CSMD1: variants seen among roughly 807,000 people sequenced by gnomAD.
The protein encoded by CSMD1 is CUB and sushi domain-containing protein 1.
CSMD1 carries 213 observed loss-of-function variants against 417.5 expected under a neutral mutation model. That is an observed-to-expected ratio of 0.51 (90% CI 0.46 to 0.57). The LOEUF (loss-of-function observed/expected upper bound fraction) is 0.57, where lower values mean the gene tolerates loss of function less well. Ranked by LOEUF, CSMD1 falls within the 20% of genes least tolerant of loss-of-function variation. The pLI is 0.00. For missense variants in CSMD1, 6,923 were observed against 4,529.7 expected, an observed-to-expected ratio of 1.53 and a Z score of -15.17; for synonymous variants, 2,862 against 1,736.8, an observed-to-expected ratio of 1.65 and a Z score of -16.11.
intron 1 of CSMD1, among the ~76,000 whole-genome samples, chr8:4,748,701 C>T (rs1811111641): frequency 6.6e-6 from 1 of 152,262 alleles, no homozygotes; most frequent in African/African-American, 2.4e-5. Context: ...ATAGCCCACA[C>T]CTGAGTTGCA....
At chr8:3,226,308 C>T (rs1026185507) in intron 27 of CSMD1, among the ~76,000 whole-genome samples, 14 of 152,022 alleles carry the variant, frequency 9.2e-5, no homozygotes, top group Admixed American at 5.2e-4. Context: ...TGAAGCCGAA[C>T]GTGGTGGCTC....
At chr8:3,455,532 T>C (rs1220858656) in intron 12 of CSMD1, among the ~76,000 whole-genome samples, 3 of 152,238 alleles carry the variant, frequency 2.0e-5, no homozygotes, top group Non-Finnish European at 4.4e-5. Flanking sequence ...CTTCTAACAG[T>C]CAGGACCCTC....
At chr8:4,624,725 C>G (rs1016268054) in intron 2 of CSMD1, among the ~76,000 whole-genome samples, 7 of 152,110 alleles carry the variant, frequency 4.6e-5, no homozygotes, top group African/African-American at 1.7e-4. Flanking sequence ...GATCTGACAC[C>G]TGCTCTGTTT....
intron 41 of CSMD1, among the ~76,000 whole-genome samples, chr8:3,123,478 T>G (rs112668442): frequency 0.062 from 9,451 of 152,322 alleles, 335 homozygotes; most frequent in Middle Eastern, 0.085. Flanking sequence ...ACACATTTCC[T>G]TCTTTATTAT....
intron 2 of CSMD1, among the ~76,000 whole-genome samples, chr8:4,626,569 C>G (rs1264759694): frequency 6.6e-6 from 1 of 152,024 alleles, no homozygotes; most frequent in Non-Finnish European, 1.5e-5. Context: ...AAGAGCTAGA[C>G]TCAGGGCATG....
intron 46 of CSMD1, among the ~76,000 whole-genome samples, chr8:3,100,081 C>T (rs896051685): frequency 1.3e-5 from 2 of 152,062 alleles, no homozygotes; most frequent in Admixed American, 1.3e-4. Context: ...GGGTCTCACT[C>T]TGTCACCCAA....
At chr8:3,797,789 A>G (rs1443136822) in intron 5 of CSMD1, among the ~76,000 whole-genome samples, 1 of 151,972 alleles carries the variant, frequency 6.6e-6, no homozygotes, top group Non-Finnish European at 1.5e-5. Context: ...GAAAATTCCT[A>G]GGTTATTAGG....
At chr8:3,379,665 T>C (rs1810513635) in intron 18 of CSMD1, among the ~76,000 whole-genome samples, 1 of 152,172 alleles carries the variant, frequency 6.6e-6, no homozygotes, top group African/African-American at 2.4e-5. Context: ...CCGTATTTAA[T>C]AAATGGTGTT....
intron 5 of CSMD1, among the ~76,000 whole-genome samples, chr8:3,836,254 T>C (rs1416112847): frequency 6.6e-6 from 1 of 152,200 alleles, no homozygotes; most frequent in Non-Finnish European, 1.5e-5. Flanking sequence ...TATCTGCTCT[T>C]ATTTCACAAT....
At chr8:3,396,065 T>C (rs1563344245) in intron 17 of CSMD1, 129 bp downstream of exon 17, 3 of 729,484 alleles carry the variant, frequency 4.1e-6, no homozygotes, top group South Asian at 3.7e-5. Flanking sequence ...TTGCATAGTA[T>C]GGTTTTGCTA....
chr8:3,947,282 G>C (rs1463583255), intron 5 of CSMD1, among the ~76,000 whole-genome samples: 4 of 152,044 alleles, frequency 2.6e-5, no homozygotes, highest in Non-Finnish European at 5.9e-5. Context: ...TTATTGACGT[G>C]ATTATGTATG....
At chr8:4,954,026 A>C (rs1017832712) in intron 1 of CSMD1, among the ~76,000 whole-genome samples, 1 of 152,076 alleles carries the variant, frequency 6.6e-6, no homozygotes, top group South Asian at 2.1e-4. Context: ...CTTCCCACCC[A>C]CCTGTTAAAA....
intron 7 of CSMD1, among the ~76,000 whole-genome samples, chr8:3,660,353 G>A (rs925246127): frequency 6.6e-6 from 1 of 152,056 alleles, no homozygotes; most frequent in Non-Finnish European, 1.5e-5. Flanking sequence ...GAAAGTATTA[G>A]CGATCTTCCC....
intron 47 of CSMD1, 131 bp from the exon 48 acceptor site, chr8:3,091,793 A>T: frequency 1.5e-6 from 1 of 681,640 alleles, no homozygotes; most frequent in Non-Finnish European, 2.3e-6. Flanking sequence ...AAAAGTGGAC[A>T]ACAAATTCCA....
chr8:4,817,751 T>A (rs1057512299), intron 1 of CSMD1, among the ~76,000 whole-genome samples: 1 of 152,216 alleles, frequency 6.6e-6, no homozygotes, highest in Admixed American at 6.5e-5. Context: ...AATGCAGCTA[T>A]CACGCTGAGT....
intron 3 of CSMD1, among the ~76,000 whole-genome samples, chr8:4,409,071 G>C (rs1177117463): frequency 6.6e-6 from 1 of 152,114 alleles, no homozygotes; most frequent in East Asian, 1.9e-4. Flanking sequence ...GAATTTATTG[G>C]ATAGCAGACT....
At chr8:4,058,910 A>G (rs901927124) in intron 3 of CSMD1, among the ~76,000 whole-genome samples, 2 of 152,092 alleles carry the variant, frequency 1.3e-5, no homozygotes, top group African/African-American at 2.4e-5. Flanking sequence ...AAGGATACCC[A>G]GGAATTGAAC....
intron 4 of CSMD1, among the ~76,000 whole-genome samples, chr8:4,007,622 G>A (rs904162379): frequency 6.6e-6 from 1 of 151,968 alleles, no homozygotes; most frequent in African/African-American, 2.4e-5. Flanking sequence ...GCCTGTTCTT[G>A]CACTTGCGTG....
intron 2 of CSMD1, among the ~76,000 whole-genome samples, chr8:4,505,234 T>C (rs886503968): frequency 6.6e-6 from 1 of 152,160 alleles, no homozygotes; most frequent in Non-Finnish European, 1.5e-5. Context: ...GTAGAGAAAG[T>C]TTTTCCTTAC....
Sources: allele counts gnomAD v4.1 joint callset (sites outside exome capture counted in the v4.1 genomes callset), GRCh38; gene constraint gnomAD v4.1.1; transcripts MANE v1.5; gene names NCBI Gene and HGNC (gene_info 2026-07-23, HGNC 2026-07-21).